B3GALNT2: variants seen among roughly 807,000 people sequenced by gnomAD.
The protein encoded by B3GALNT2 is beta-1,3-N-acetylgalactosaminyltransferase 2, also known as UDP-GalNAc:beta-1,3-N-acetylgalactosaminyltransferase 2.
Under a neutral mutation model 61.1 loss-of-function variants are expected in B3GALNT2, and 53 were observed. The ratio of observed to expected loss-of-function variants is 0.87; its 90% confidence interval spans 0.70 to 1.09. B3GALNT2 has a LOEUF of 1.09. B3GALNT2 is among the 50% of genes least tolerant of loss of function. The probability of loss-of-function intolerance (pLI) is 0.00; values close to 1 mark genes in which losing one functional copy is unlikely to be tolerated. For synonymous variants in B3GALNT2, 223 were observed against 237.4 expected (o/e 0.94, Z 0.56); for missense variants, 544 against 623.0 (o/e 0.87, Z 1.35).
chr1:235,493,264 A>C (rs553756356), intron 2 of B3GALNT2, among the ~76,000 whole-genome samples: 2 of 152,290 alleles, frequency 1.3e-5, no homozygotes, highest in South Asian at 4.1e-4. Flanking sequence ...GGTAACACCA[A>C]GGGTTTTGGT....
chr1:235,494,983 T>C (rs1306525515), intron 1 of B3GALNT2, among the ~76,000 whole-genome samples, 155 bp from the exon 2 acceptor site: 2 of 152,220 alleles, frequency 1.3e-5, no homozygotes, highest in Non-Finnish European at 2.9e-5. Flanking sequence ...GAACCCACTA[T>C]CCAGAGACAA....
chr1:235,458,791 A>G lies in B3GALNT2; in HGVS notation c.842-5T>C, dbSNP rs562041557. ...TGTGTAAGAGAGCATCACCTTCTAT[A>G]AAGGAAAAGTTGAGAGTTGGAGAAA... On this transcript the variant is annotated splice_region_variant and splice_polypyrimidine_tract_variant and intron_variant, in intron 7 of 11. Transcript: ENST00000366600. The G allele has an allele frequency of 6.4e-7, 1 of 1,572,764 alleles. No homozygotes were observed. Among genetic ancestry groups the G allele is most frequent in the South Asian group, 1.2e-5 (1 of 83,274 alleles).
Position 235,504,379 on chromosome 1 carries a change from G to T in B3GALNT2, c.-127C>A. 9.1e-7 allele frequency: 1 copy of T among 1,097,682 alleles called. No individual in the cohort carries two copies. The highest frequency in any genetic ancestry group is 1.2e-6 in the Non-Finnish European group (1 of 819,644). The allele number at this position is 1,097,682 out of a possible 1,614,324, so 68.0% of individuals were successfully genotyped here. On this transcript the variant is annotated 5_prime_UTR_variant, in exon 1 of 12. Transcript: ENST00000366600. ...CCGAGCACGCCCGCCCTCGCGCTCG[G>T]CGACGTCTGGGGGGCTCCTCGCAGC...
chr1:235,474,093 T>A (rs1572518356), intron 5 of B3GALNT2, among the ~76,000 whole-genome samples: 1 of 152,198 alleles, frequency 6.6e-6, no homozygotes, highest in South Asian at 2.1e-4. Flanking sequence ...AGGAAGAAGC[T>A]TTATCTTCCA....
At chr1:235,442,889 A>G (rs1454249830), downstream of B3GALNT2, 1 of 1,614,106 alleles carries the variant, frequency 6.2e-7, no homozygotes, top group Admixed American at 1.7e-5. Flanking sequence ...TTGATCAGAA[A>G]GTCCTGGAGA....
At chr1:235,450,409 C>T (rs778388930) in intron 11 of B3GALNT2, 69 bp from the exon 12 acceptor site, 120 of 1,525,510 alleles carry the variant, frequency 7.9e-5, no homozygotes, top group Non-Finnish European at 9.7e-5. Flanking sequence ...AAAGTATGCA[C>T]GTAGACAGCT....
downstream of B3GALNT2, among the ~76,000 whole-genome samples, chr1:235,445,956 G>C (rs1434170071): frequency 6.6e-6 from 1 of 152,176 alleles, no homozygotes; most frequent in East Asian, 1.9e-4. Flanking sequence ...GCGCTGTCCA[G>C]TGTGGCTGCA....
At chr1:235,485,244 G>C (rs1684747076) in intron 3 of B3GALNT2, among the ~76,000 whole-genome samples, 1 of 152,202 alleles carries the variant, frequency 6.6e-6, no homozygotes, top group South Asian at 2.1e-4. Flanking sequence ...GTCCCATTTA[G>C]TGATTCCAAA....
Position 235,450,000 on chromosome 1 carries a change from C to A in B3GALNT2, c.*206G>T. ...TAATCTTCCAATAGATAAATAAAAACTTTTCTTATGCTACAGTACAAGTTG... is the reference window on the plus strand; with the variant it reads ...TAATCTTCCAATAGATAAATAAAAAATTTTCTTATGCTACAGTACAAGTTG... On this transcript the variant is annotated 3_prime_UTR_variant, in exon 12 of 12. Coordinates refer to ENST00000366600, the MANE Select transcript of B3GALNT2 (RefSeq NM_152490.5). 2.3e-6 allele frequency: 1 copy of A among 440,870 alleles called. No individual in the cohort carries two copies. Among genetic ancestry groups the A allele is most frequent in the Non-Finnish European group, 3.9e-6 (1 of 258,754 alleles). The allele number at this position is 440,870 out of a possible 1,614,324, so 27.3% of individuals were successfully genotyped here. A position where few individuals can be genotyped will look rare whatever the true frequency, so the allele number is the denominator to read the frequency against.
chr1:235,500,513 AC>A (rs1283980714), intron 1 of B3GALNT2, among the ~76,000 whole-genome samples: 1 of 152,208 alleles, frequency 6.6e-6, no homozygotes, highest in East Asian at 1.9e-4. Flanking sequence ...AAGAAGGTTG[AC>A]ATCAAAATTG....
intron 3 of B3GALNT2, among the ~76,000 whole-genome samples, chr1:235,485,129 AC>A (rs1195407483): frequency 3.3e-5 from 5 of 152,102 alleles, no homozygotes; most frequent in Middle Eastern, 3.2e-3. Context: ...CTTCACTACT[AC>A]CCTTGTGGTT....
chr1:235,466,172 A>T (rs1292721700), intron 6 of B3GALNT2, among the ~76,000 whole-genome samples: 1 of 152,016 alleles, frequency 6.6e-6, no homozygotes, highest in African/African-American at 2.4e-5. Context: ...CCAAATATTC[A>T]AATTGAACTC....
intron 2 of B3GALNT2, among the ~76,000 whole-genome samples, chr1:235,490,365 G>C (rs1028914481): frequency 1.3e-5 from 2 of 152,146 alleles, no homozygotes; most frequent in Admixed American, 6.5e-5. Context: ...TAAGTGGCTG[G>C]GATTACAGGC....
rs59405398 is a variant in B3GALNT2, at chr1:235,448,220, CAAA to C, written c.*1983_*1985del. ...CTTAAGTAAGTAAGTAAGTCAGTCT[CAAA>C]AAAAAAAAAAAAAAAAAGACAGATA... On this transcript the variant is annotated 3_prime_UTR_variant, in exon 12 of 12. Transcript: ENST00000366600. 6.2e-3 allele frequency: 3,206 copies of C among 519,134 alleles called. No individual in the cohort carries two copies. Among genetic ancestry groups the C allele is most frequent in the East Asian group, 8.6e-3 (250 of 29,042 alleles). The allele number at this position is 519,134 out of a possible 1,614,324, so 32.2% of individuals were successfully genotyped here.
At chr1:235,478,077 G>A (rs970610679) in intron 5 of B3GALNT2, among the ~76,000 whole-genome samples, 11 of 151,974 alleles carry the variant, frequency 7.2e-5, no homozygotes, top group African/African-American at 2.7e-4. Flanking sequence ...TTTTTTTTGA[G>A]ATGGCGTCTC....
chr1:235,471,626 T>C (rs966562194), intron 5 of B3GALNT2, among the ~76,000 whole-genome samples: 3 of 152,184 alleles, frequency 2.0e-5, no homozygotes, highest in Non-Finnish European at 2.9e-5. Flanking sequence ...TAACCTAATA[T>C]ACTAGATTTT....
At chr1:235,479,980 C>A in intron 5 of B3GALNT2, 74 bp downstream of exon 5, 1 of 1,573,056 alleles carries the variant, frequency 6.4e-7, no homozygotes. Context: ...TATCAAGTGC[C>A]TGCCCCTGAA....
intron 6 of B3GALNT2, among the ~76,000 whole-genome samples, chr1:235,467,475 CTTATTTACT>C (rs1683755954): frequency 6.9e-6 from 1 of 144,688 alleles, no homozygotes; most frequent in Non-Finnish European, 1.5e-5. Context: ...TTGTTATTTA[CTTATTTACT>C]TTTTTTTTTT....
Position 235,504,156 on chromosome 1 carries a change from CGGA to C in B3GALNT2, c.94_96del (p.Ser32del), listed in dbSNP as rs1169838120. On this transcript the variant is annotated inframe_deletion, in exon 1 of 12. Coordinates refer to ENST00000366600, the MANE Select transcript of B3GALNT2 (RefSeq NM_152490.5). ...AGGACCTCACCTGCAGGGCCGGCCC[CGGA>C]GGCGCAGGCGGGCGGCGGGGAGCGC... The C allele has an allele frequency of 2.3e-6, 3 of 1,289,044 alleles. No homozygotes were observed. Among genetic ancestry groups the C allele is most frequent in the East Asian group, 6.4e-5 (2 of 31,316 alleles). 79.9% of individuals were successfully genotyped at this position (1,289,044 alleles called of 1,614,324 possible). A position where few individuals can be genotyped will look rare whatever the true frequency, so the allele number is the denominator to read the frequency against.
Sources: gnomAD v4.1 joint callset for allele counts (sites outside exome capture counted in the v4.1 genomes callset) on GRCh38, gnomAD v4.1.1 for gene constraint, MANE v1.5 for transcripts, NCBI Gene and HGNC (gene_info 2026-07-23, HGNC 2026-07-21) for gene names.